The following SETD3 variants were observed in gnomAD, a reference collection of about 807,000 sequenced individuals.
SETD3 encodes the protein actin-histidine N-methyltransferase.
A neutral mutation model predicts 63.0 loss-of-function variants in SETD3; 19 were observed. The ratio of observed to expected loss-of-function variants is 0.30; its 90% CI spans 0.21 to 0.44. The LOEUF (loss-of-function observed/expected upper bound fraction) is 0.44. Among genes scored for constraint, SETD3 ranks in the 20% least tolerant of loss-of-function variants. The pLI, the probability that SETD3 is intolerant of heterozygous loss-of-function variation, is 1.00. For synonymous variants in SETD3, 286 were observed against 264.1 expected (o/e 1.08, Z -0.80); for missense variants, 587 against 728.5 (o/e 0.81, Z 2.24).
At chr14:99,439,080 C>T (rs1893646183) in intron 6 of SETD3, among the ~76,000 whole-genome samples, 2 of 152,270 alleles carry the variant, frequency 1.3e-5, no homozygotes, top group African/African-American at 4.8e-5. Context: ...ACAAAGAGAA[C>T]TGCTAAAGCA....
chr14:99,479,261 T>C (rs549028135), intron 1 of SETD3, among the ~76,000 whole-genome samples: 3 of 152,224 alleles, frequency 2.0e-5, no homozygotes, highest in Admixed American at 1.3e-4. Flanking sequence ...AGAGGTTCTG[T>C]AGCTGTTTGA....
intron 6 of SETD3, among the ~76,000 whole-genome samples, chr14:99,442,471 C>T (rs6575720): frequency 0.42 from 63,552 of 151,932 alleles, 13,806 homozygotes; most frequent in East Asian, 0.56. Context: ...CGGGTATGAA[C>T]TGAGTGGGTC....
chr14:99,442,710 A>G (rs758879442), intron 6 of SETD3, among the ~76,000 whole-genome samples: 16 of 152,218 alleles, frequency 1.1e-4, no homozygotes, highest in African/African-American at 1.7e-4. Context: ...AGCAGACAAC[A>G]TATGTGTTAA....
chr14:99,418,884 C>A (rs1269766963), intron 6 of SETD3, among the ~76,000 whole-genome samples: 1 of 152,152 alleles, frequency 6.6e-6, no homozygotes, highest in African/African-American at 2.4e-5. Context: ...AAAATTTACA[C>A]TAAATACCTT....
At chr14:99,424,175 T>G (rs374599976) in intron 6 of SETD3, among the ~76,000 whole-genome samples, 1 of 152,236 alleles carries the variant, frequency 6.6e-6, no homozygotes, top group Non-Finnish European at 1.5e-5. Context: ...TCTTTTACTA[T>G]AAGATGTTTG....
chr14:99,460,323 A>C (rs1164345844), intron 4 of SETD3, among the ~76,000 whole-genome samples: 1 of 152,148 alleles, frequency 6.6e-6, no homozygotes. Context: ...CCCTTCCTCC[A>C]CCCAAGTTCT....
chr14:99,428,724 C>A (rs1304900990), intron 6 of SETD3, among the ~76,000 whole-genome samples: 1 of 152,144 alleles, frequency 6.6e-6, no homozygotes, highest in African/African-American at 2.4e-5. Context: ...GTTTGAGAAT[C>A]TGATAAAATC....
At chr14:99,474,119 A>T (rs1441008371) in intron 1 of SETD3, among the ~76,000 whole-genome samples, 3 of 152,172 alleles carry the variant, frequency 2.0e-5, no homozygotes, top group Non-Finnish European at 4.4e-5. Context: ...TCAGGAGTTC[A>T]AGACCAACTT....
intron 6 of SETD3, among the ~76,000 whole-genome samples, chr14:99,429,492 C>T (rs750488590): frequency 2.0e-5 from 3 of 152,282 alleles, no homozygotes; most frequent in Non-Finnish European, 4.4e-5. Flanking sequence ...TTCTCTTAAA[C>T]GGGATGTAAG....
upstream of SETD3, chr14:99,481,627 C>T (rs765278435): frequency 2.0e-5 from 8 of 392,526 alleles, no homozygotes; most frequent in Admixed American, 4.4e-5. Flanking sequence ...ACACATTGAA[C>T]TTTGCGGGCG....
intron 6 of SETD3, among the ~76,000 whole-genome samples, chr14:99,423,050 A>T (rs1892672308): frequency 6.6e-6 from 1 of 152,124 alleles, no homozygotes; most frequent in Admixed American, 6.5e-5. Context: ...ACGCTCAAAG[A>T]GTGTTCAAAA....
chr14:99,407,381 G>A (rs1409990917), intron 8 of SETD3, among the ~76,000 whole-genome samples: 1 of 152,096 alleles, frequency 6.6e-6, no homozygotes, highest in Non-Finnish European at 1.5e-5. Context: ...AATACTGTTT[G>A]GACTTTCTTC....
chr14:99,437,026 T>C (rs183866483), intron 6 of SETD3, among the ~76,000 whole-genome samples: 24 of 152,346 alleles, frequency 1.6e-4, no homozygotes, highest in African/African-American at 5.8e-4. Context: ...ATAGAGAAGA[T>C]AGTTCAGTTA....
In SETD3 at chr14:99,406,456, C is replaced by T. The variant is rs373991337; in HGVS notation, c.924+60G>A. ...AAGTTCCTTTTTAAGATTACCAACA[C>T]GGTGTTAACGTTAGTGCCCACTGGC... On this transcript the variant is annotated intron_variant, in intron 9 of 12. Coordinates refer to ENST00000331768, the MANE Select transcript of SETD3 (RefSeq NM_032233.3). The T allele has an allele frequency of 3.0e-5, 42 of 1,419,898 alleles. No homozygotes were observed. In the African/African-American group the frequency reaches 3.2e-4, roughly 11 times the overall value. 88.0% of individuals were successfully genotyped at this position (1,419,898 alleles called of 1,614,324 possible).
intron 6 of SETD3, among the ~76,000 whole-genome samples, chr14:99,456,466 T>G (rs1009876224): frequency 2.0e-5 from 3 of 152,242 alleles, no homozygotes; most frequent in African/African-American, 7.2e-5. Context: ...AAAAGGATAT[T>G]TGTACTCATT....
At chr14:99,475,515 G>A (rs1895928291) in intron 1 of SETD3, among the ~76,000 whole-genome samples, 1 of 152,220 alleles carries the variant, frequency 6.6e-6, no homozygotes, top group African/African-American at 2.4e-5. Context: ...CCTCCAGTAC[G>A]ATATTGCAGA....
chr14:99,459,060 T>C lies in SETD3; in HGVS notation c.418+53A>G. On this transcript the variant is annotated intron_variant, in intron 5 of 12. Coordinates refer to ENST00000331768, the MANE Select transcript of SETD3 (RefSeq NM_032233.3). ...TCCTTAGTGCCATAAAATGGAATTT[T>C]ACATATTTTTGTCATTTGTGCTTTG... 2.2e-6 allele frequency: 3 copies of C among 1,369,604 alleles called. No individual in the cohort carries two copies. The African/African-American group carries it at 4.4e-5, about 20-fold the overall frequency. 84.8% of individuals were successfully genotyped at this position (1,369,604 alleles called of 1,614,324 possible).
chr14:99,467,263 C>T (rs908613805), intron 1 of SETD3, among the ~76,000 whole-genome samples: 1 of 152,158 alleles, frequency 6.6e-6, no homozygotes, highest in Non-Finnish European at 1.5e-5. Context: ...GGTAAAAATA[C>T]ATAAAACTTT....
intron 12 of SETD3, 52 bp from the exon 13 acceptor site, chr14:99,399,177 T>C (rs762155357): frequency 3.2e-6 from 5 of 1,542,340 alleles, no homozygotes; most frequent in Admixed American, 1.7e-5. Flanking sequence ...AGCAAAACTA[T>C]AGAGACAGAG....
Sources: gnomAD v4.1 joint callset for allele counts (sites outside exome capture counted in the v4.1 genomes callset) on GRCh38, gnomAD v4.1.1 for gene constraint, MANE v1.5 for transcripts, NCBI Gene and HGNC (gene_info 2026-07-23, HGNC 2026-07-21) for gene names.